PTPRN2: variants seen among roughly 807,000 people sequenced by gnomAD.
PTPRN2 encodes receptor-type tyrosine-protein phosphatase N2.
A neutral mutation model predicts 118.8 loss-of-function variants in PTPRN2; 74 were observed. The ratio of observed to expected loss-of-function variants is 0.62; its 90% CI spans 0.52 to 0.76. The LOEUF (loss-of-function observed/expected upper bound fraction) is 0.76, where lower values mean the gene tolerates loss of function less well. PTPRN2 is among the 30% of genes least tolerant of loss of function. The pLI, the probability that PTPRN2 is intolerant of heterozygous loss-of-function variation, is 0.00. For synonymous variants in PTPRN2, 641 were observed against 608.0 expected (o/e 1.05, Z -0.80); for missense variants, 1,481 against 1,394.4 (o/e 1.06, Z -0.99).
At chr7:158,195,687 C>T (rs955402514) in intron 4 of PTPRN2, among the ~76,000 whole-genome samples, 8 of 151,474 alleles carry the variant, frequency 5.3e-5, no homozygotes, top group Non-Finnish European at 1.0e-4. Flanking sequence ...TTCAAGTTCA[C>T]TAATATTTTC....
intron 2 of PTPRN2, among the ~76,000 whole-genome samples, chr7:158,440,169 C>A (rs1816884248): frequency 6.6e-6 from 1 of 152,210 alleles, no homozygotes; most frequent in Non-Finnish European, 1.5e-5. Flanking sequence ...AAGGTAGAGA[C>A]TCATGCTCAA....
chr7:157,811,942 G>A lies in PTPRN2; in HGVS notation c.1788+86731C>T, dbSNP rs114043707. On this transcript the variant is annotated intron_variant, in intron 12 of 22. Transcript: ENST00000389418. ...ATGAGTCTCCGACAGGTGATAGGGCGATGGGGTCGCTGTCTAAGTAGGGAA... is the reference window on the plus strand; with the variant it reads ...ATGAGTCTCCGACAGGTGATAGGGCAATGGGGTCGCTGTCTAAGTAGGGAA... Among the ~76,000 whole-genome samples, 536 of 152,266 alleles carry A rather than the reference G, an allele frequency of 3.5e-3. 5 individuals carry two copies. Among genetic ancestry groups the A allele is most frequent in the African/African-American group, 0.012 (497 of 41,534 alleles).
intron 12 of PTPRN2, among the ~76,000 whole-genome samples, chr7:157,886,383 G>A (rs1160333483): frequency 6.6e-6 from 1 of 152,206 alleles, no homozygotes; most frequent in Non-Finnish European, 1.5e-5. Context: ...AGGGAAGCAT[G>A]TCGAGAAGCA....
Position 158,167,410 on chromosome 7 carries a change from G to T in PTPRN2, c.550-119C>A. On this transcript the variant is annotated intron_variant, in intron 5 of 22. Coordinates refer to ENST00000389418, the MANE Select transcript of PTPRN2 (RefSeq NM_002847.5). ...TAAACAGCCCTGGGGGTACAAAGAT[G>T]CCCTTCGGTCTCAGGTTCAAGGTCC... is the stretch of plus-strand genomic sequence containing the variant. 4 of 1,311,222 alleles carry T rather than the reference G, an allele frequency of 3.1e-6. No individual in the cohort carries two copies. The South Asian group carries it at 4.7e-5, about 15-fold the overall frequency. The allele number at this position is 1,311,222 out of a possible 1,614,324, so 81.2% of individuals were successfully genotyped here.
intron 12 of PTPRN2, among the ~76,000 whole-genome samples, chr7:157,717,579 C>T (rs1798987937): frequency 6.6e-6 from 1 of 152,262 alleles, no homozygotes; most frequent in Non-Finnish European, 1.5e-5. Flanking sequence ...GGTCTATGGA[C>T]TCCTTCATGG....
intron 12 of PTPRN2, among the ~76,000 whole-genome samples, chr7:157,762,236 A>C (rs1802176151): frequency 6.6e-6 from 1 of 152,124 alleles, no homozygotes; most frequent in East Asian, 1.9e-4. Flanking sequence ...CAGCCATCCC[A>C]TTACTGGGTA....
rs13308177 is a variant in PTPRN2, at chr7:157,621,350, G to T, written c.2344+12C>A. On this transcript the variant is annotated intron_variant, in intron 15 of 22. Coordinates refer to ENST00000389418, the MANE Select transcript of PTPRN2 (RefSeq NM_002847.5). ...GTAACCCAGGCTTCCTGCCCCCGGG[G>T]CTGGTACGTACAGGTCAGCACGGCC... The T allele has an allele frequency of 1.7e-5, 27 of 1,603,610 alleles. No homozygotes were observed. Among genetic ancestry groups the T allele is most frequent in the Non-Finnish European group, 2.3e-5 (27 of 1,172,808 alleles).
chr7:158,522,834 C>T (rs941315599), intron 1 of PTPRN2, among the ~76,000 whole-genome samples: 3 of 152,176 alleles, frequency 2.0e-5, no homozygotes, highest in African/African-American at 7.2e-5. Context: ...CTTCCAACAG[C>T]CCAAGTCTTC....
At chr7:158,524,081 A>G (rs547960836) in intron 1 of PTPRN2, among the ~76,000 whole-genome samples, 6,179 of 19,036 alleles carry the variant, frequency 0.32, 1,182 homozygotes, top group East Asian at 0.5. Context: ...GAGTGGAGTC[A>G]TCTACCCTGG....
chr7:157,924,499 T>G (rs1798862125), intron 11 of PTPRN2, among the ~76,000 whole-genome samples: 1 of 152,202 alleles, frequency 6.6e-6, no homozygotes, highest in African/African-American at 2.4e-5. Flanking sequence ...CACAGGGCCC[T>G]GCTCACCACT....
chr7:158,119,848 GACT>G (rs774853944), intron 9 of PTPRN2, among the ~76,000 whole-genome samples: 2 of 152,062 alleles, frequency 1.3e-5, no homozygotes, highest in Non-Finnish European at 2.9e-5. Context: ...ATAAGGGGGA[GACT>G]ACTTTGCCCA....
At chr7:157,844,447 C>T (rs1808655718) in intron 12 of PTPRN2, among the ~76,000 whole-genome samples, 1 of 152,118 alleles carries the variant, frequency 6.6e-6, no homozygotes, top group Non-Finnish European at 1.5e-5. Flanking sequence ...AGCTGAAATT[C>T]GAGGAAGAAA....
intron 2 of PTPRN2, among the ~76,000 whole-genome samples, chr7:158,423,620 ACCT>A (rs1398287727): frequency 2.0e-5 from 3 of 151,152 alleles, no homozygotes; most frequent in African/African-American, 7.3e-5. Context: ...TGCAACCTCC[ACCT>A]CCTAGGTTCA....
intron 1 of PTPRN2, among the ~76,000 whole-genome samples, chr7:158,585,089 T>C (rs2129452940): frequency 6.6e-6 from 1 of 152,326 alleles, no homozygotes; most frequent in Middle Eastern, 3.4e-3. Context: ...TCGAGCCTCA[T>C]TATTTGGAAC....
At chr7:157,823,486 C>A (rs1806978143) in intron 12 of PTPRN2, among the ~76,000 whole-genome samples, 1 of 152,192 alleles carries the variant, frequency 6.6e-6, no homozygotes, top group Admixed American at 6.5e-5. Context: ...CAGTCTGCTA[C>A]AAAACAGCTG....
At chr7:158,508,029 G>A (rs185095159) in intron 1 of PTPRN2, among the ~76,000 whole-genome samples, 10 of 144,240 alleles carry the variant, frequency 6.9e-5, no homozygotes, top group East Asian at 2.1e-4. Context: ...AGTGAGGACC[G>A]TCCAGGGGAC....
chr7:157,680,713 A>AT (rs1796878906), intron 13 of PTPRN2, among the ~76,000 whole-genome samples: 1 of 152,216 alleles, frequency 6.6e-6, no homozygotes, highest in Non-Finnish European at 1.5e-5. Context: ...CCTAAAGGGC[A>AT]TTTTGTGGTG....
intron 1 of PTPRN2, among the ~76,000 whole-genome samples, chr7:158,535,779 T>C (rs569862669): frequency 1.5e-4 from 22 of 151,700 alleles, no homozygotes; most frequent in African/African-American, 5.1e-4. Context: ...AAAAAAAGAC[T>C]GGAAGGAAAC....
intron 12 of PTPRN2, among the ~76,000 whole-genome samples, chr7:157,783,927 G>A (rs1383414829): frequency 6.6e-6 from 1 of 152,160 alleles, no homozygotes; most frequent in African/African-American, 2.4e-5. Flanking sequence ...TGGGAGGCTG[G>A]TTGAATGGAG....
Sources: allele counts gnomAD v4.1 joint callset (sites outside exome capture counted in the v4.1 genomes callset), GRCh38; gene constraint gnomAD v4.1.1; transcripts MANE v1.5; gene names NCBI Gene and HGNC (gene_info 2026-07-23, HGNC 2026-07-21).